COL23A1: variants seen among roughly 807,000 people sequenced by gnomAD.
The protein encoded by COL23A1 is collagen alpha-1(XXIII) chain.
COL23A1 carries 97 observed loss-of-function variants against 99.3 expected under a neutral mutation model. The ratio of observed to expected loss-of-function variants is 0.98; its 90% confidence interval spans 0.83 to 1.16. The LOEUF (loss-of-function observed/expected upper bound fraction) is 1.16, where lower values mean the gene tolerates loss of function less well. COL23A1 is among the 50% of genes most tolerant of loss of function. The pLI, the probability that COL23A1 is intolerant of heterozygous loss-of-function variation, is 0.00. For synonymous variants in COL23A1, 320 were observed against 308.2 expected, an observed-to-expected ratio of 1.04 and a Z score of -0.40; for missense variants, 762 against 757.4, an observed-to-expected ratio of 1.01 and a Z score of -0.07.
chr5:178,505,551 C>T (rs1487661196), intron 2 of COL23A1, among the ~76,000 whole-genome samples: 1 of 152,202 alleles, frequency 6.6e-6, no homozygotes, highest in East Asian at 1.9e-4. Flanking sequence ...ATGCCCCTGC[C>T]TAAATTTCCC....
At chr5:178,436,089 C>T (rs1766544589) in intron 2 of COL23A1, among the ~76,000 whole-genome samples, 2 of 152,102 alleles carry the variant, frequency 1.3e-5, no homozygotes, top group South Asian at 2.1e-4. Flanking sequence ...AACTGAGGCA[C>T]GAAGGATGCG....
intron 8 of COL23A1, among the ~76,000 whole-genome samples, chr5:178,264,441 A>G (rs937787319): frequency 1.2e-4 from 19 of 152,054 alleles, no homozygotes; most frequent in Non-Finnish European, 2.4e-4. Context: ...GACCTCAGGC[A>G]GCCGGAGCCC....
At chr5:178,538,067 T>C (rs1384160266) in intron 2 of COL23A1, among the ~76,000 whole-genome samples, 2 of 152,248 alleles carry the variant, frequency 1.3e-5, no homozygotes, top group African/African-American at 4.8e-5. Context: ...CTGAATCGTA[T>C]GCTATTGTAT....
intron 2 of COL23A1, among the ~76,000 whole-genome samples, chr5:178,549,926 ATTC>A (rs954862489): frequency 6.6e-6 from 1 of 152,234 alleles, no homozygotes; most frequent in Non-Finnish European, 1.5e-5. Flanking sequence ...TCAGTATTAT[ATTC>A]TTCTCTGTAC....
intron 2 of COL23A1, among the ~76,000 whole-genome samples, chr5:178,398,932 C>T (rs780015133): frequency 2.0e-5 from 3 of 152,244 alleles, no homozygotes; most frequent in Admixed American, 6.5e-5. Flanking sequence ...GCTGCCCCAC[C>T]AGGCGCTGGT....
chr5:178,511,712 A>G (rs1316453410), intron 2 of COL23A1, among the ~76,000 whole-genome samples: 1 of 152,004 alleles, frequency 6.6e-6, no homozygotes, highest in Non-Finnish European at 1.5e-5. Context: ...CTCCCACCAA[A>G]CTGCACAGGA....
intron 2 of COL23A1, among the ~76,000 whole-genome samples, chr5:178,374,936 G>T (rs1581255968): frequency 6.6e-6 from 1 of 152,136 alleles, no homozygotes; most frequent in Admixed American, 6.5e-5. Context: ...TAGCCAAAGA[G>T]AAATGAAAAC....
rs1341705246 is a variant in COL23A1, at chr5:178,415,943, T to C, written c.362-109024A>G. Among the ~76,000 whole-genome samples, 1 of 151,078 alleles carries C rather than the reference T, an allele frequency of 6.6e-6. No individual in the cohort carries two copies. The highest frequency in any genetic ancestry group is 1.5e-5 in the Non-Finnish European group (1 of 67,764). Reference sequence around the variant, plus strand: ...GGGACCAGAGAGAGCTTTCAGGAGGTGAAGTCAGAGCTGGGCCCTGAAGGA... The same window carrying C: ...GGGACCAGAGAGAGCTTTCAGGAGGCGAAGTCAGAGCTGGGCCCTGAAGGA... On this transcript the variant is annotated intron_variant, in intron 2 of 28. Coordinates refer to ENST00000390654, the MANE Select transcript of COL23A1 (RefSeq NM_173465.4). This position sits in a 1 kb window ranked among gnomAD's most constrained non-coding sequence, Gnocchi z 4.6.
chr5:178,377,581 C>A (rs1416348182), intron 2 of COL23A1, among the ~76,000 whole-genome samples: 1 of 152,196 alleles, frequency 6.6e-6, no homozygotes, highest in Admixed American at 6.5e-5. Flanking sequence ...AGCCTAACTT[C>A]CCTGGGTGCA....
intron 18 of COL23A1, 123 bp downstream of exon 18, chr5:178,249,938 A>T: frequency 7.5e-7 from 1 of 1,332,874 alleles, no homozygotes; most frequent in Admixed American, 1.8e-5. Context: ...ATGATTTTTG[A>T]TTTTCTCACA....
intron 2 of COL23A1, among the ~76,000 whole-genome samples, chr5:178,388,455 A>T (rs1763789482): frequency 6.6e-6 from 1 of 152,194 alleles, no homozygotes; most frequent in African/African-American, 2.4e-5. Flanking sequence ...CAAGTGACTT[A>T]CATTTACTTA....
At chr5:178,380,299 C>A (rs1442711132) in intron 2 of COL23A1, among the ~76,000 whole-genome samples, 1 of 152,010 alleles carries the variant, frequency 6.6e-6, no homozygotes, top group Non-Finnish European at 1.5e-5. Flanking sequence ...ATGAGGGGGT[C>A]CAATGTGGCA....
Position 178,382,521 on chromosome 5 carries a change from G to A in COL23A1, c.362-75602C>T, listed in dbSNP as rs141915629. On this transcript the variant is annotated intron_variant, in intron 2 of 28. Coordinates refer to ENST00000390654, the MANE Select transcript of COL23A1 (RefSeq NM_173465.4). ...AGACCTGGAGGAGGCGGGACCTGAG[G>A]GTAGGCGACGGGGAAGAGTAGGGTG... Among the ~76,000 whole-genome samples the A allele has an allele frequency of 2.0e-4, 30 of 152,282 alleles. No individual in the cohort carries two copies. In the Middle Eastern group the frequency reaches 0.01, roughly 52 times the overall value.
intron 2 of COL23A1, among the ~76,000 whole-genome samples, chr5:178,326,175 T>C (rs1319513865): frequency 6.6e-6 from 1 of 152,186 alleles, no homozygotes; most frequent in Non-Finnish European, 1.5e-5. Context: ...ACTTGCCGAA[T>C]ACTCCATCAA....
Position 178,468,133 on chromosome 5 carries a change from C to T in COL23A1, c.361+92549G>A, listed in dbSNP as rs1415148861. 6.6e-6 allele frequency among the ~76,000 whole-genome samples: 1 copy of T among 152,150 alleles called. No homozygotes were observed. The highest frequency in any genetic ancestry group is 1.5e-5 in the Non-Finnish European group (1 of 68,038). On this transcript the variant is annotated intron_variant, in intron 2 of 28. Transcript: ENST00000390654. This position sits in a 1 kb window ranked among gnomAD's most constrained non-coding sequence, Gnocchi z 4.2. ...GAAAAGATGGTGAGAAATCTGAGTG[C>T]CAGAAAGAGAGCGCCGGCTTTGGGG...
intron 20 of COL23A1, 39 bp downstream of exon 20, chr5:178,248,153 G>A: frequency 2.1e-6 from 3 of 1,416,616 alleles, no homozygotes; most frequent in Non-Finnish European, 2.0e-6. Flanking sequence ...GCCTGGACTG[G>A]GTGTTGGGGG....
At chr5:178,380,830 G>A (rs968348215) in intron 2 of COL23A1, among the ~76,000 whole-genome samples, 5 of 152,206 alleles carry the variant, frequency 3.3e-5, no homozygotes, top group African/African-American at 1.2e-4. Flanking sequence ...CAATATGAGT[G>A]CTTTCTGCCA....
At chr5:178,573,377 T>C (rs1013968500) in intron 1 of COL23A1, among the ~76,000 whole-genome samples, 91 of 152,326 alleles carry the variant, frequency 6.0e-4, no homozygotes, top group Admixed American at 5.7e-3. Flanking sequence ...CAAAGGCCAA[T>C]TGTGAGAGCG....
In COL23A1 at chr5:178,451,547, C is replaced by T. The variant is rs149350675; in HGVS notation, c.361+109135G>A. On this transcript the variant is annotated intron_variant, in intron 2 of 28. Coordinates refer to ENST00000390654, the MANE Select transcript of COL23A1 (RefSeq NM_173465.4). The stretch of plus-strand genomic sequence containing the variant: ...GTAGGCACATAAGTAATCTCAGCTA[C>T]TCGGGGGCCTGAGGCAGGAAAATTG... Among the ~76,000 whole-genome samples the T allele has an allele frequency of 2.9e-3, 436 of 151,370 alleles. 1 individual carries two copies. Among genetic ancestry groups the T allele is most frequent in the African/African-American group, 0.01 (421 of 41,188 alleles).
Sources: gnomAD v4.1 joint callset for allele counts (sites outside exome capture counted in the v4.1 genomes callset) on GRCh38, gnomAD v4.1.1 for gene constraint, Gnocchi (gnomAD v3.1) non-coding constraint, MANE v1.5 for transcripts, NCBI Gene and HGNC (gene_info 2026-07-23, HGNC 2026-07-21) for gene names.